The following PUDP variants were observed in gnomAD, a reference collection of about 807,000 sequenced individuals.
The protein encoded by PUDP is pseudouridine-5'-phosphatase.
PUDP carries 8 observed loss-of-function variants against 9.4 expected under a neutral mutation model. The observed-to-expected ratio is 0.85, with a 90% CI of 0.50 to 1.53. The LOEUF (loss-of-function observed/expected upper bound fraction) is 1.53. PUDP is among the 40% of genes most tolerant of loss of function. The pLI is 0.00. For synonymous variants in PUDP, 99 were observed against 80.7 expected, an observed-to-expected ratio of 1.23 and a Z score of -1.22; for missense variants, 188 against 189.7, an observed-to-expected ratio of 0.99 and a Z score of 0.05.
intron 3 of PUDP, among the ~76,000 whole-genome samples, chrX:6,859,559 T>C (rs866213260): frequency 2.3e-4 from 26 of 111,960 alleles, no homozygotes; most frequent in Middle Eastern, 9.2e-3. Context: ...TTATAATTCC[T>C]TACTGCTCAG....
chrX:6,770,198 A>G (rs1264392916), intron 3 of PUDP, among the ~76,000 whole-genome samples: 1 of 112,795 alleles, frequency 8.9e-6, no homozygotes, highest in Admixed American at 9.3e-5. Flanking sequence ...GGAGTTATTT[A>G]GTCCAGGGGT....
chrX:7,100,730 A>G, intron 2 of PUDP, among the ~76,000 whole-genome samples: 1 of 111,833 alleles, frequency 8.9e-6, no homozygotes. Flanking sequence ...AAATGAATGG[A>G]AACTAGGTCT....
intron 3 of PUDP, among the ~76,000 whole-genome samples, chrX:6,885,672 G>A (rs2146742577): frequency 8.9e-6 from 1 of 112,399 alleles, no homozygotes; most frequent in Admixed American, 9.4e-5. Flanking sequence ...TATCGGCAGT[G>A]AGTAGTGAAG....
In PUDP at chrX:6,900,326, T is replaced by TTGG. The variant is rs1432357525; in HGVS notation, c.*247+76806_*247+76807insCCA. 6.1e-5 allele frequency among the ~76,000 whole-genome samples: 5 copies of TTGG among 81,609 alleles called. 1 individual carries two copies. The highest frequency in any genetic ancestry group is 2.3e-4 in the African/African-American group (5 of 21,623). The allele number at this position is 81,609 out of a possible 115,157, so 70.9% of individuals were successfully genotyped here. A position where few individuals can be genotyped will look rare whatever the true frequency, so the allele number is the denominator to read the frequency against. On this transcript the variant is annotated intron_variant and NMD_transcript_variant, in intron 3 of 3. Transcript: ENST00000655425. ...GATGACATTTTTGGTTGTCACCACT[T>TTGG]GGGGGGGGGGGCGCTGCTACTGGCA...
chrX:7,083,346 G>A (rs761254664), intron 2 of PUDP, among the ~76,000 whole-genome samples: 3 of 112,132 alleles, frequency 2.7e-5, no homozygotes, highest in Non-Finnish European at 5.6e-5. Flanking sequence ...CCAGAGAAAA[G>A]TGGGCGAGGA....
rs1313868762 is a variant in PUDP, at chrX:6,887,149, ATTTAATTT to A, written c.*247+89976_*247+89983del. Among the ~76,000 whole-genome samples, 4 of 41,240 alleles carry A rather than the reference ATTTAATTT, an allele frequency of 9.7e-5. No homozygotes were observed. The East Asian group carries it at 1.7e-3, about 17-fold the overall frequency. 35.8% of individuals were successfully genotyped at this position (41,240 alleles called of 115,157 possible). On this transcript the variant is annotated intron_variant and NMD_transcript_variant, in intron 3 of 3. Coordinates refer to the PUDP transcript ENST00000655425. Reference sequence around the variant, plus strand: ...TAAGTATATTTGATTTAATTTAATTATTTAATTTAATTTATTTATAATTAAATATATTT... The same window carrying A: ...TAAGTATATTTGATTTAATTTAATTAAATTTATTTATAATTAAATATATTT...
chrX:7,015,305 T>C (rs778960232), intron 1 of PUDP, among the ~76,000 whole-genome samples: 2 of 111,590 alleles, frequency 1.8e-5, no homozygotes, highest in South Asian at 3.8e-4. Context: ...CATGTAGAAA[T>C]AGGGTTGGAC....
chrX:6,780,405 G>A (rs1156889680), intron 3 of PUDP, among the ~76,000 whole-genome samples: 1 of 110,954 alleles, frequency 9.0e-6, no homozygotes, highest in African/African-American at 3.3e-5. Flanking sequence ...GTGTTTAAGT[G>A]TATACACATA....
intron 1 of PUDP, among the ~76,000 whole-genome samples, chrX:7,042,658 T>C (rs1569144339): frequency 1.7e-5 from 1 of 59,416 alleles, no homozygotes; most frequent in Non-Finnish European, 3.2e-5. Context: ...TTTTCATTTT[T>C]TGGGGGGGGT....
At chrX:7,028,734 T>G (rs1205335504) in intron 1 of PUDP, among the ~76,000 whole-genome samples, 1 of 111,752 alleles carries the variant, frequency 8.9e-6, no homozygotes, top group Non-Finnish European at 1.9e-5. Context: ...TGGGAAGATT[T>G]CATAAGCATC....
chrX:6,819,793 GTGCAGTT>G (rs953865164), intron 3 of PUDP, among the ~76,000 whole-genome samples: 3 of 110,471 alleles, frequency 2.7e-5, no homozygotes, highest in African/African-American at 9.9e-5. Context: ...TGCAGATGAG[GTGCAGTT>G]TGCCCCATGG....
At chrX:7,126,646 C>T (rs1191380305) in intron 1 of PUDP, among the ~76,000 whole-genome samples, 1 of 110,577 alleles carries the variant, frequency 9.0e-6, no homozygotes, top group Non-Finnish European at 1.9e-5. Context: ...GTCCTAATCG[C>T]CTCTTATAAG....
intron 3 of PUDP, among the ~76,000 whole-genome samples, chrX:6,763,535 C>T (rs1925251891): frequency 1.8e-5 from 2 of 111,713 alleles, no homozygotes; most frequent in East Asian, 2.8e-4. Context: ...GAGAGAACGT[C>T]GGTCCCTCAA....
chrX:6,986,901 A>G (rs1477553472), intron 1 of PUDP, among the ~76,000 whole-genome samples: 1 of 112,415 alleles, frequency 8.9e-6, no homozygotes, highest in African/African-American at 3.2e-5. Context: ...TCCCCAAAGC[A>G]GAATTTCATT....
At position 7,009,454 on chromosome X, in the gene PUDP, T is replaced by A. The variant is rs184719106; in HGVS notation, c.205-31111A>T. Among the ~76,000 whole-genome samples, 112 of 112,358 alleles carry A rather than the reference T, an allele frequency of 1.0e-3. 1 individual carries two copies. The Middle Eastern group carries it at 0.014, about 14-fold the overall frequency. ...TTAATCTGAGGTACAACGAAGGTGG[T>A]GTTATTTTAACAGTGTTCAAAAAAG... On this transcript the variant is annotated intron_variant and NMD_transcript_variant, in intron 1 of 3. Coordinates refer to the PUDP transcript ENST00000655425.
rs897537914 is a variant in PUDP at position 6,729,964 on chromosome X, T to C, written c.*248-23498A>G. ...AGGACTTGCATCAGGAATAAAGGCT[T>C]TCATGCCCCTTAGTTCAGGTGTGCT... is the stretch of plus-strand genomic sequence containing the variant. On this transcript the variant is annotated intron_variant and NMD_transcript_variant, in intron 3 of 3. Coordinates refer to the PUDP transcript ENST00000655425. Among the ~76,000 whole-genome samples the C allele has an allele frequency of 3.6e-5, 4 of 112,155 alleles. 1 individual carries two copies. Among genetic ancestry groups the C allele is most frequent in the Non-Finnish European group, 7.5e-5 (4 of 53,228 alleles).
At chrX:6,942,229 A>G (rs749055487) in intron 3 of PUDP, among the ~76,000 whole-genome samples, 1 of 112,665 alleles carries the variant, frequency 8.9e-6, no homozygotes, top group Non-Finnish European at 1.9e-5. Flanking sequence ...AATATTAAAA[A>G]TAAAACAAAG....
chrX:6,902,078 G>C (rs187968677), intron 3 of PUDP, among the ~76,000 whole-genome samples: 5 of 110,658 alleles, frequency 4.5e-5, no homozygotes, highest in African/African-American at 1.6e-4. Flanking sequence ...GGGGGCGGGG[G>C]TCTCACTGTA....
Position 7,031,799 on chromosome X carries a change from A to T in PUDP, c.204+45421T>A, listed in dbSNP as rs775892598. On this transcript the variant is annotated intron_variant and NMD_transcript_variant, in intron 1 of 3. Coordinates refer to the PUDP transcript ENST00000655425. ...TACTCTGCACAAGCATTAAATTAAGATTAACTGAGATTTGACCTGAACGTA... is the reference window on the plus strand; with the variant it reads ...TACTCTGCACAAGCATTAAATTAAGTTTAACTGAGATTTGACCTGAACGTA... Among the ~76,000 whole-genome samples, 5 of 112,423 alleles carry T rather than the reference A, an allele frequency of 4.4e-5. No homozygotes were observed. The South Asian group carries it at 1.8e-3, about 41-fold the overall frequency.
Sources: gnomAD v4.1 joint callset for allele counts (sites outside exome capture counted in the v4.1 genomes callset) on GRCh38, gnomAD v4.1.1 for gene constraint, MANE v1.5 for transcripts, NCBI Gene and HGNC (gene_info 2026-07-23, HGNC 2026-07-21) for gene names.